Variants in TRPM3 observed in about 807,000 individuals in gnomAD.
TRPM3 encodes transient receptor potential cation channel subfamily M member 3.
In TRPM3, 77 loss-of-function variants were observed where a neutral mutation model predicts 181.2. That is an observed-to-expected ratio of 0.42 (90% confidence interval 0.35 to 0.51). The LOEUF (loss-of-function observed/expected upper bound fraction) is 0.51, where lower values mean the gene tolerates loss of function less well. TRPM3 is among the 20% of genes least tolerant of loss of function. The pLI is 0.01. For missense variants in TRPM3, 1,759 were observed against 2,196.7 expected, an observed-to-expected ratio of 0.80 and a Z score of 3.98; for synonymous variants, 745 against 796.4, an observed-to-expected ratio of 0.94 and a Z score of 1.09.
chr9:71,082,802 C>T (rs2064590613), intron 1 of TRPM3, among the ~76,000 whole-genome samples: 1 of 152,066 alleles, frequency 6.6e-6, no homozygotes, highest in Non-Finnish European at 1.5e-5. Flanking sequence ...AACAGTGCTT[C>T]TGTGGTGATA....
intron 1 of TRPM3, among the ~76,000 whole-genome samples, chr9:71,292,903 A>T (rs559985015): frequency 7.2e-5 from 11 of 152,102 alleles, no homozygotes; most frequent in Non-Finnish European, 1.5e-4. Context: ...TCATTCAACT[A>T]AAATTGCAAA....
chr9:70,599,161 T>A (rs1589101276), intron 20 of TRPM3, among the ~76,000 whole-genome samples: 1 of 152,174 alleles, frequency 6.6e-6, no homozygotes, highest in African/African-American at 2.4e-5. Flanking sequence ...CTAAGCTCCA[T>A]CACATCTTAC....
intron 3 of TRPM3, among the ~76,000 whole-genome samples, chr9:70,861,983 A>G (rs2095533468): frequency 6.6e-6 from 1 of 151,794 alleles, no homozygotes; most frequent in Non-Finnish European, 1.5e-5. Context: ...GGGAAGGGAG[A>G]GGTAAGAAAA....
At chr9:71,035,998 T>G (rs2132832815) in intron 1 of TRPM3, among the ~76,000 whole-genome samples, 1 of 151,158 alleles carries the variant, frequency 6.6e-6, no homozygotes, top group East Asian at 2.0e-4. Flanking sequence ...TTTTTTTTTT[T>G]TTTTAATTTT....
At chr9:70,966,503 A>G (rs533199602) in intron 1 of TRPM3, among the ~76,000 whole-genome samples, 7 of 152,310 alleles carry the variant, frequency 4.6e-5, no homozygotes, top group African/African-American at 1.7e-4. Context: ...AATGCCCATA[A>G]ATGGTCGACT....
intron 1 of TRPM3, among the ~76,000 whole-genome samples, chr9:71,184,325 G>T (rs2077561306): frequency 1.3e-5 from 2 of 152,110 alleles, no homozygotes; most frequent in Admixed American, 6.6e-5. Flanking sequence ...CTCATCCTTA[G>T]CAAGGGCCTC....
intron 1 of TRPM3, among the ~76,000 whole-genome samples, chr9:70,905,002 GTT>G (rs2096441886): frequency 6.6e-6 from 1 of 152,302 alleles, no homozygotes; most frequent in East Asian, 1.9e-4. Context: ...AATCTCAACT[GTT>G]TTGGCAACTT....
At chr9:71,162,199 C>CAAAAAAAAAAAAAAAA (rs35947110) in intron 1 of TRPM3, among the ~76,000 whole-genome samples, 13 of 74,254 alleles carry the variant, frequency 1.8e-4, no homozygotes, top group African/African-American at 4.3e-4. Flanking sequence ...GACTCTGTCT[C>CAAAAAAAAAAAAAAAA]AAAAAAAAAA....
rs56761379 is a variant in TRPM3, at chr9:70,548,847, GCTCTCTCT to G, written c.3707+687_3707+694del. ...AATTCTCTTTATTTGAAGATCTTGT[GCTCTCTCT>G]CTCTCTCTCTCTCTTTTTAATACGC... On this transcript the variant is annotated intron_variant, in intron 25 of 25. Transcript: ENST00000677713. 7.3e-5 allele frequency among the ~76,000 whole-genome samples: 11 copies of G among 150,174 alleles called. No individual in the cohort carries two copies. The South Asian group carries it at 2.1e-3, about 29-fold the overall frequency.
rs2064275055 is a variant in TRPM3 at position 70,624,982 on chromosome 9, T to C, written c.1809+209A>G. Among the ~76,000 whole-genome samples, 4 of 152,144 alleles carry C rather than the reference T, an allele frequency of 2.6e-5. No individual in the cohort carries two copies. In the South Asian group the frequency reaches 8.3e-4, roughly 32 times the overall value. ...TGAGGTTCTCAACAATTTTTAAAGG[T>C]ATAAAGACCCAAAACCTGGAAAACT... On this transcript the variant is annotated intron_variant, in intron 14 of 25. Transcript: ENST00000677713.
At chr9:71,158,809 G>A (rs1357051421) in intron 1 of TRPM3, among the ~76,000 whole-genome samples, 2 of 152,086 alleles carry the variant, frequency 1.3e-5, no homozygotes, top group Admixed American at 6.6e-5. Context: ...TACCCTCCTC[G>A]ATGTGGGCTG....
intron 1 of TRPM3, among the ~76,000 whole-genome samples, chr9:71,141,347 TA>T (rs200219015): frequency 8.6e-5 from 13 of 151,274 alleles, no homozygotes; most frequent in African/African-American, 2.7e-4. Flanking sequence ...TTCAGAAAAA[TA>T]AAAAAAAATA....
intron 22 of TRPM3, among the ~76,000 whole-genome samples, chr9:70,578,509 T>C (rs1038724572): frequency 6.6e-6 from 1 of 152,230 alleles, no homozygotes; most frequent in Non-Finnish European, 1.5e-5. Flanking sequence ...CAAGATCTAC[T>C]GGTGTTTGCC....
At position 70,810,094 on chromosome 9, in the gene TRPM3, C is replaced by T. The variant is rs747765172; in HGVS notation, c.973+17753G>A. The T allele has an allele frequency of 1.1e-4, 59 of 533,808 alleles. 1 individual carries two copies. The highest frequency in any genetic ancestry group is 6.3e-4 in the Middle Eastern group (2 of 3,168). The allele number at this position is 533,808 out of a possible 1,614,324, so 33.1% of individuals were successfully genotyped here. The stretch of plus-strand genomic sequence containing the variant: ...AAGAAAGACTGTAGCCATGGGTACG[C>T]GATCAGGAAGTCCTCTGCTTGCCTC... On this transcript the variant is annotated intron_variant, in intron 6 of 25. Coordinates refer to ENST00000677713, the MANE Select transcript of TRPM3 (RefSeq NM_001366145.2).
Position 70,701,982 on chromosome 9 carries a change from T to C in TRPM3, c.1273-20404A>G, listed in dbSNP as rs530727919. On this transcript the variant is annotated intron_variant, in intron 8 of 25. Transcript: ENST00000677713. ...GCTAGAATTCCCATGCTGTGTAGTC[T>C]GTGGCAGGCCTCTCCACTCATTTGG... is the stretch of plus-strand genomic sequence containing the variant. Among the ~76,000 whole-genome samples the C allele has an allele frequency of 3.0e-5, 4 of 133,638 alleles. No individual in the cohort carries two copies. In the East Asian group the frequency reaches 8.7e-4, roughly 29 times the overall value. The allele number at this position is 133,638 out of a possible 152,430, so 87.7% of individuals were successfully genotyped here.
At chr9:71,101,155 C>A (rs556234653) in intron 1 of TRPM3, among the ~76,000 whole-genome samples, 1 of 152,136 alleles carries the variant, frequency 6.6e-6, no homozygotes, top group Non-Finnish European at 1.5e-5. Context: ...CTCATTTACT[C>A]ATTCATTCAG....
Position 70,797,960 on chromosome 9 carries a change from A to G in TRPM3, c.974-13681T>C, listed in dbSNP as rs142219183. Among the ~76,000 whole-genome samples, 872 of 152,342 alleles carry G rather than the reference A, an allele frequency of 5.7e-3. 6 individuals are homozygous for G. Among genetic ancestry groups the G allele is most frequent in the Non-Finnish European group, 9.1e-3 (619 of 68,036 alleles). On this transcript the variant is annotated intron_variant, in intron 6 of 25. Transcript: ENST00000677713. ...AGTCCCATCTGTTCACTTGTCCACT[A>G]TAAGTAATTTTCAGTCATATCTTGG...
At chr9:71,245,991 CAGGGTCATTAGTTAAGAAAGGAGGGATT>C (rs2082015283) in intron 1 of TRPM3, among the ~76,000 whole-genome samples, 1 of 152,062 alleles carries the variant, frequency 6.6e-6, no homozygotes, top group South Asian at 2.1e-4. Flanking sequence ...AAGCAAAACC[CAGGGTCATTAGTTAAGAAAGGAGGGATT>C]GGAGTATGAT....
intron 1 of TRPM3, among the ~76,000 whole-genome samples, chr9:71,134,769 G>T (rs1479132811): frequency 1.3e-5 from 2 of 152,092 alleles, no homozygotes; most frequent in Non-Finnish European, 2.9e-5. Flanking sequence ...ATGTAACATA[G>T]ATTTCTTAGT....
Sources: gnomAD v4.1 joint callset for allele counts (sites outside exome capture counted in the v4.1 genomes callset) on GRCh38, gnomAD v4.1.1 for gene constraint, MANE v1.5 for transcripts, NCBI Gene and HGNC (gene_info 2026-07-23, HGNC 2026-07-21) for gene names.